AQP11: variants seen among roughly 807,000 people sequenced by gnomAD.
AQP11 encodes aquaporin-11.
Under a neutral mutation model 21.1 loss-of-function variants are expected in AQP11, and 20 were observed. That is an observed-to-expected ratio of 0.95 (90% CI 0.67 to 1.38). The LOEUF (loss-of-function observed/expected upper bound fraction) is 1.38. Among genes scored for constraint, AQP11 ranks in the 40% most tolerant of loss-of-function variants. The pLI is 0.00. For synonymous variants in AQP11, 167 were observed against 150.1 expected (o/e 1.11, Z -0.82); for missense variants, 339 against 340.4 (o/e 1.00, Z 0.03).
At chr11:77,606,228 G>A (rs1958845736) in intron 2 of AQP11, among the ~76,000 whole-genome samples, 2 of 152,122 alleles carry the variant, frequency 1.3e-5, no homozygotes, top group African/African-American at 2.4e-5. Flanking sequence ...GGAATCTGAA[G>A]TAATGACAAT....
chr11:77,606,052 A>G (rs1958844210), intron 2 of AQP11, among the ~76,000 whole-genome samples: 1 of 150,704 alleles, frequency 6.6e-6, no homozygotes, highest in Admixed American at 6.6e-5. Flanking sequence ...AAAAAAAAAA[A>G]AAAAAAAAAA....
intron 2 of AQP11, among the ~76,000 whole-genome samples, chr11:77,606,596 C>T (rs572075479): frequency 5.9e-4 from 90 of 152,296 alleles, no homozygotes; most frequent in South Asian, 1.0e-3. Context: ...GTCACCCAGG[C>T]TGGAGTGCAG....
intron 1 of AQP11, chr11:77,591,129 T>A: frequency 1.0e-6 from 1 of 969,410 alleles, no homozygotes; most frequent in Non-Finnish European, 1.2e-6. Flanking sequence ...TAATAATTCA[T>A]TTTGAGTTAT....
intron 1 of AQP11, among the ~76,000 whole-genome samples, chr11:77,596,265 G>T (rs1255454228): frequency 6.6e-6 from 1 of 150,508 alleles, no homozygotes; most frequent in African/African-American, 2.4e-5. Flanking sequence ...ACATGGTAAA[G>T]CCCCATCTCT....
chr11:77,590,208 C>A lies in AQP11; in HGVS notation c.216C>A (p.Pro72=). ...TGCAACTGCTGAGCGAACAGCACCC[C>A]GCGCACCCCACCTGGACGCTGACGC... The part of the protein sequence containing the change: ...HELQLLSEQH[P]AHPTWTLTLV... Residue 72 remains proline, a synonymous_variant, in exon 1 of 3, where the codon CCC becomes CCA. Transcript: ENST00000313578. 1 of 1,594,326 alleles carries A rather than the reference C, an allele frequency of 6.3e-7. No individual in the cohort carries two copies. The highest frequency in any genetic ancestry group is 8.5e-7 in the Non-Finnish European group (1 of 1,170,716).
Position 77,590,188 on chromosome 11 carries a change from C to A in AQP11, c.196C>A (p.Leu66Met). ...QLCCCTHELQ[L>M]LSEQHPAHPT... ...CTGCTGCTGCACCCACGAGCTGCAA[C>A]TGCTGAGCGAACAGCACCCCGCGCA... Residue 66 changes from leucine to methionine, a missense_variant, in exon 1 of 3, where the codon CTG (leucine) becomes ATG (methionine). Transcript: ENST00000313578. 6.2e-7 allele frequency: 1 copy of A among 1,600,032 alleles called. No homozygotes were observed. The highest frequency in any genetic ancestry group is 1.3e-5 in the African/African-American group (1 of 74,846).
At chr11:77,596,457 T>TATATATATATGTAA in intron 1 of AQP11, among the ~76,000 whole-genome samples, 1 of 128,794 alleles carries the variant, frequency 7.8e-6, no homozygotes, top group South Asian at 2.4e-4. Context: ...AAAAAAAAAA[T>TATATATATATGTAA]ATATATATAT....
intron 1 of AQP11, among the ~76,000 whole-genome samples, chr11:77,592,273 A>AG: frequency 6.7e-6 from 1 of 150,108 alleles, no homozygotes; most frequent in Non-Finnish European, 1.5e-5. Context: ...TCTCAAAAGA[A>AG]AAAAAAAAAG....
rs1222043839 is a variant in AQP11 at position 77,599,667 on chromosome 11, C to G, written c.620-3889C>G. 2.6e-5 allele frequency among the ~76,000 whole-genome samples: 4 copies of G among 151,732 alleles called. No homozygotes were observed. The East Asian group carries it at 5.9e-4, about 22-fold the overall frequency. On this transcript the variant is annotated intron_variant, in intron 1 of 2. Transcript: ENST00000313578. ...TGGAGCGCAGTGGTGCAATCAAAAC[C>G]TCCGCCTCCCCGGCTCACAAGATCC...
intron 1 of AQP11, among the ~76,000 whole-genome samples, chr11:77,598,882 T>A (rs1454388404): frequency 6.6e-6 from 1 of 152,022 alleles, no homozygotes; most frequent in Non-Finnish European, 1.5e-5. Context: ...ACCTGGCTAA[T>A]TATTTTTTTT....
intron 1 of AQP11, 60 bp from the exon 2 acceptor site, chr11:77,603,496 C>A: frequency 8.5e-7 from 1 of 1,177,248 alleles, no homozygotes; most frequent in Non-Finnish European, 1.2e-6. Flanking sequence ...CATTTATTTC[C>A]AGTTACAAGG....
chr11:77,591,023 A>ACAAGG, intron 1 of AQP11: 2 of 985,488 alleles, frequency 2.0e-6, no homozygotes, highest in Non-Finnish European at 1.2e-6. Context: ...GATTTAAAGC[A>ACAAGG]CAAGGCACAT....
At chr11:77,596,944 A>G (rs1233720135) in intron 1 of AQP11, among the ~76,000 whole-genome samples, 3 of 152,056 alleles carry the variant, frequency 2.0e-5, no homozygotes, top group African/African-American at 4.8e-5. Flanking sequence ...AAGAAATTTC[A>G]TAAGACTAGT....
chr11:77,604,328 C>A (rs1958832109), intron 2 of AQP11, among the ~76,000 whole-genome samples: 1 of 152,104 alleles, frequency 6.6e-6, no homozygotes, highest in African/African-American at 2.4e-5. Flanking sequence ...GTTGCTCAGG[C>A]TACATTCCAG....
In AQP11 at chr11:77,590,426, A is replaced by G. The variant is rs145893530; in HGVS notation, c.434A>G (p.Gln145Arg). ...GCCTTGTGGAGCTTGGGTCTGACCCAGTATCACGTCAGCGAGAGGAGCTTC... is the reference window on the plus strand; with the variant it reads ...GCCTTGTGGAGCTTGGGTCTGACCCGGTATCACGTCAGCGAGAGGAGCTTC... ...TSALWSLGLT[Q>R]YHVSERSFAC... Residue 145 changes from glutamine (Q) to arginine (R), a missense_variant, in exon 1 of 3, where the codon CAG becomes CGG. Physicochemically the swap from Gln to Arg is conservative, Grantham distance 43 (BLOSUM62 1). Coordinates refer to ENST00000313578, the MANE Select transcript of AQP11 (RefSeq NM_173039.3). 1 of 1,614,070 alleles carries G rather than the reference A, an allele frequency of 6.2e-7. No individual in the cohort carries two copies. Among genetic ancestry groups the G allele is most frequent in the African/African-American group, 1.3e-5 (1 of 75,024 alleles).
chr11:77,607,763 CAAA>C (rs879304990), intron 2 of AQP11, among the ~76,000 whole-genome samples: 10 of 74,258 alleles, frequency 1.3e-4, no homozygotes, highest in Admixed American at 3.0e-4. Flanking sequence ...GACCCTGTCT[CAAA>C]AAAAAAAAAA....
In AQP11 at chr11:77,598,082, C is replaced by T. The variant is rs117916017; in HGVS notation, c.620-5474C>T. On this transcript the variant is annotated intron_variant, in intron 1 of 2. Transcript: ENST00000313578. ...TCCTGACAATGATATTTTATCAGAG[C>T]TCATCAGGGTATGATAACACTCCTT... Among the ~76,000 whole-genome samples the T allele has an allele frequency of 2.8e-3, 424 of 152,266 alleles. 4 individuals carry two copies. The highest frequency in any genetic ancestry group is 0.02 in the East Asian group (104 of 5,186).
intron 1 of AQP11, among the ~76,000 whole-genome samples, chr11:77,601,459 C>G (rs1400714783): frequency 3.3e-5 from 5 of 151,262 alleles, no homozygotes; most frequent in Non-Finnish European, 7.4e-5. Context: ...AGTTTATTCT[C>G]CTGCCTTAGC....
chr11:77,604,571 G>A (rs1421844994), intron 2 of AQP11, among the ~76,000 whole-genome samples: 1 of 152,080 alleles, frequency 6.6e-6, no homozygotes, highest in Non-Finnish European at 1.5e-5. Flanking sequence ...TTTTTATCCA[G>A]TTAGCATATT....
Sources: allele counts gnomAD v4.1 joint callset (sites outside exome capture counted in the v4.1 genomes callset), GRCh38; gene constraint gnomAD v4.1.1; transcripts MANE v1.5; gene names NCBI Gene and HGNC (gene_info 2026-07-23, HGNC 2026-07-21).